Variants in RBMS1 observed in about 807,000 individuals in gnomAD.
RBMS1 encodes RNA-binding motif, single-stranded-interacting protein 1.
A neutral mutation model predicts 62.3 loss-of-function variants in RBMS1; 17 were observed. That is an observed-to-expected ratio of 0.27 (90% CI 0.19 to 0.41). The LOEUF (loss-of-function observed/expected upper bound fraction) is 0.41. RBMS1 is among the 10% of genes least tolerant of loss of function. RBMS1 has a pLI of 1.00. For synonymous variants in RBMS1, 172 were observed against 170.0 expected (o/e 1.01, Z -0.09); for missense variants, 334 against 504.5 (o/e 0.66, Z 3.24).
At chr2:160,360,383 G>T (rs1413329128) in intron 2 of RBMS1, among the ~76,000 whole-genome samples, 1 of 152,146 alleles carries the variant, frequency 6.6e-6, no homozygotes, top group Non-Finnish European at 1.5e-5. Flanking sequence ...AGAAAGAAAG[G>T]AGAGAAATTC....
At chr2:160,467,440 A>G (rs1046238015) in intron 1 of RBMS1, among the ~76,000 whole-genome samples, 1 of 152,210 alleles carries the variant, frequency 6.6e-6, no homozygotes, top group Non-Finnish European at 1.5e-5. Flanking sequence ...CAGTGACGAA[A>G]GAAACTACAG....
intron 1 of RBMS1, among the ~76,000 whole-genome samples, chr2:160,441,857 T>C (rs773292627): frequency 6.6e-6 from 1 of 152,242 alleles, no homozygotes; most frequent in Non-Finnish European, 1.5e-5. Context: ...TCTATTCTAG[T>C]GAATGTGAAA....
intron 3 of RBMS1, 88 bp from the exon 4 acceptor site, chr2:160,313,335 G>T: frequency 7.9e-7 from 1 of 1,257,872 alleles, no homozygotes; most frequent in Non-Finnish European, 1.1e-6. Context: ...TGTTTCTGGT[G>T]TGGGCAAGAG....
intron 2 of RBMS1, among the ~76,000 whole-genome samples, chr2:160,329,434 T>C (rs964252491): frequency 1.3e-5 from 2 of 152,174 alleles, no homozygotes; most frequent in African/African-American, 4.8e-5. Flanking sequence ...GCCCCCCGTA[T>C]TGATTTCTTA....
In RBMS1 at chr2:160,493,214, C is replaced by T; in HGVS notation, c.75+75G>A. The stretch of plus-strand genomic sequence containing the variant: ...GTGGCGGGGGTTCGCCGCGCGCCCC[C>T]CTCCCCAGGCCTGACCCTGCGCGCG... On this transcript the variant is annotated intron_variant, in intron 1 of 13. Coordinates refer to ENST00000348849, the MANE Select transcript of RBMS1 (RefSeq NM_016836.4). 4.9e-6 allele frequency: 7 copies of T among 1,417,600 alleles called. No individual in the cohort carries two copies. In the Admixed American group the frequency reaches 1.2e-4, roughly 24 times the overall value. 87.8% of individuals were successfully genotyped at this position (1,417,600 alleles called of 1,614,324 possible).
intron 2 of RBMS1, among the ~76,000 whole-genome samples, chr2:160,355,956 T>G (rs1016391856): frequency 2.0e-5 from 3 of 152,122 alleles, no homozygotes; most frequent in African/African-American, 7.2e-5. Flanking sequence ...AAAAATGGGA[T>G]TCACCATTCA....
At chr2:160,477,821 T>A (rs1685205965) in intron 1 of RBMS1, among the ~76,000 whole-genome samples, 1 of 152,186 alleles carries the variant, frequency 6.6e-6, no homozygotes, top group Non-Finnish European at 1.5e-5. Context: ...CTCAGAAAAA[T>A]AATCCACATG....
chr2:160,470,952 T>C (rs895370182), intron 1 of RBMS1, among the ~76,000 whole-genome samples: 19 of 152,226 alleles, frequency 1.2e-4, no homozygotes, highest in Non-Finnish European at 1.5e-5. Flanking sequence ...AGAAAGCATC[T>C]GTCCACAATA....
chr2:160,476,782 C>T (rs1030305562), intron 1 of RBMS1, among the ~76,000 whole-genome samples: 2 of 151,726 alleles, frequency 1.3e-5, no homozygotes, highest in Admixed American at 1.3e-4. Context: ...TCTCGATCTC[C>T]TGACCTCGTG....
chr2:160,276,248 T>A (rs1376274206), intron 12 of RBMS1, among the ~76,000 whole-genome samples: 1 of 152,206 alleles, frequency 6.6e-6, no homozygotes, highest in Non-Finnish European at 1.5e-5. Context: ...TATTTTCAGA[T>A]TTCTTTTTGG....
chr2:160,392,186 T>G (rs1423953306), intron 1 of RBMS1, among the ~76,000 whole-genome samples: 1 of 152,192 alleles, frequency 6.6e-6, no homozygotes, highest in Non-Finnish European at 1.5e-5. Context: ...CTATCTGGTT[T>G]GGGTTTCATT....
At chr2:160,354,798 C>T (rs1194651653) in intron 2 of RBMS1, among the ~76,000 whole-genome samples, 1 of 152,124 alleles carries the variant, frequency 6.6e-6, no homozygotes, top group Non-Finnish European at 1.5e-5. Context: ...GTCCTGGCCC[C>T]TTAAGCAATT....
intron 2 of RBMS1, among the ~76,000 whole-genome samples, chr2:160,365,183 T>C (rs1385140712): frequency 6.6e-6 from 1 of 152,232 alleles, no homozygotes; most frequent in African/African-American, 2.4e-5. Flanking sequence ...TCAAATTTGG[T>C]ATTTACTAGA....
At position 160,389,567 on chromosome 2, in the gene RBMS1, G is replaced by A. The variant is rs570794450; in HGVS notation, c.76-22176C>T. Among the ~76,000 whole-genome samples the A allele has an allele frequency of 4.5e-3, 676 of 151,556 alleles. 4 individuals are homozygous for A. The highest frequency in any genetic ancestry group is 0.015 in the African/African-American group (637 of 41,334). ...ACAAAAATTAGCCAGGCGGGGTGGC[G>A]CACACCTGTAGTCCCAGCTACTCAG... On this transcript the variant is annotated intron_variant, in intron 1 of 13. Coordinates refer to ENST00000348849, the MANE Select transcript of RBMS1 (RefSeq NM_016836.4).
chr2:160,378,673 C>T (rs1694125922), intron 1 of RBMS1, among the ~76,000 whole-genome samples: 1 of 151,100 alleles, frequency 6.6e-6, no homozygotes. Flanking sequence ...CACTCAGAGT[C>T]AACTACCAAT....
At chr2:160,286,314 T>A (rs573885080) in intron 7 of RBMS1, among the ~76,000 whole-genome samples, 54 of 150,996 alleles carry the variant, frequency 3.6e-4, no homozygotes, top group African/African-American at 1.2e-3. Context: ...TTTTTTTTTT[T>A]TTTTTATTTT....
At chr2:160,331,482 T>G (rs1264653920) in intron 2 of RBMS1, among the ~76,000 whole-genome samples, 1 of 152,188 alleles carries the variant, frequency 6.6e-6, no homozygotes. Flanking sequence ...TCTGCATGGC[T>G]GTCATCCCCA....
intron 1 of RBMS1, among the ~76,000 whole-genome samples, chr2:160,473,765 C>G (rs1302448005): frequency 6.6e-6 from 1 of 152,132 alleles, no homozygotes; most frequent in African/African-American, 2.4e-5. Context: ...AGATTTCCAC[C>G]CCCTCAACTC....
Position 160,426,290 on chromosome 2 carries a change from A to AAAGAAAGG in RBMS1, c.76-58900_76-58899insCCTTTCTT, listed in dbSNP as rs1248344627. On this transcript the variant is annotated intron_variant, in intron 1 of 13. Transcript: ENST00000348849. ...GAAAGAAAGAAAGAAAGAAAGAAAG[A>AAAGAAAGG]AAAGAAAGAAGGAAGGAAGGAAGGA... Among the ~76,000 whole-genome samples the AAAGAAAGG allele has an allele frequency of 3.4e-3, 225 of 67,038 alleles. 2 individuals are homozygous for AAAGAAAGG. Among genetic ancestry groups the AAAGAAAGG allele is most frequent in the Middle Eastern group, 6.8e-3 (1 of 148 alleles). The allele number at this position is 67,038 out of a possible 152,430, so 44.0% of individuals were successfully genotyped here.
Sources: allele counts gnomAD v4.1 joint callset (sites outside exome capture counted in the v4.1 genomes callset), GRCh38; gene constraint gnomAD v4.1.1; transcripts MANE v1.5; gene names NCBI Gene and HGNC (gene_info 2026-07-23, HGNC 2026-07-21).